ZNF718: variants seen among roughly 807,000 people sequenced by gnomAD.
ZNF718 encodes the protein zinc finger protein 718.
A neutral mutation model predicts 2.6 loss-of-function variants in ZNF718; 3 were observed. That is an observed-to-expected ratio of 1.16 (90% CI 0.53 to 3.01). The LOEUF (loss-of-function observed/expected upper bound fraction) is 3.01, where lower values mean the gene tolerates loss of function less well. Ranked by LOEUF, ZNF718 falls within the 30% of genes most tolerant of loss-of-function variation. The pLI is 0.03. For synonymous variants in ZNF718, 135 were observed against 77.9 expected (o/e 1.73, Z -3.86); for missense variants, 468 against 230.0 (o/e 2.03, Z -6.69).
intron 3 of ZNF718, among the ~76,000 whole-genome samples, chr4:193,182 T>C (rs1407793663): frequency 3.3e-5 from 5 of 152,164 alleles, no homozygotes; most frequent in African/African-American, 4.8e-5. Flanking sequence ...GTATTTCTAA[T>C]GGAGGGTTCC....
intron 3 of ZNF718, among the ~76,000 whole-genome samples, chr4:142,300 A>G (rs1358270918): frequency 6.6e-6 from 1 of 152,248 alleles, no homozygotes; most frequent in Non-Finnish European, 1.5e-5. Flanking sequence ...AAAGTAGAAA[A>G]GGGATCTGTT....
intron 3 of ZNF718, among the ~76,000 whole-genome samples, chr4:181,238 T>C (rs2108813370): frequency 6.9e-6 from 1 of 143,910 alleles, no homozygotes; most frequent in Non-Finnish European, 1.5e-5. Context: ...ACTCCTGGGA[T>C]TGTGTAATTC....
chr4:157,757 G>A (rs1204088232), intron 3 of ZNF718, among the ~76,000 whole-genome samples: 1 of 152,048 alleles, frequency 6.6e-6, no homozygotes, highest in Non-Finnish European at 1.5e-5. Flanking sequence ...CCTAACCGGT[G>A]GTTTATCAAG....
chr4:150,888 T>TTGTGTGTG (rs111894956), intron 3 of ZNF718, among the ~76,000 whole-genome samples: 2,437 of 150,224 alleles, frequency 0.016, 73 homozygotes, highest in African/African-American at 0.056. Flanking sequence ...AATTTGAATT[T>TTGTGTGTG]TGTGTGTGTG....
chr4:194,531 A>T (rs554848575), intron 3 of ZNF718, among the ~76,000 whole-genome samples: 2 of 152,288 alleles, frequency 1.3e-5, no homozygotes, highest in African/African-American at 4.8e-5. Context: ...GACCTGACTG[A>T]GATATCAGAG....
chr4:201,975 A>G (rs1362020501), exon 5 of ZNF718: 1 of 171,402 alleles, frequency 5.8e-6, no homozygotes, highest in Non-Finnish European at 1.3e-5. Flanking sequence ...TTTTAAGTAT[A>G]ACTTTGTTGG....
intron 3 of ZNF718, among the ~76,000 whole-genome samples, chr4:190,994 G>A (rs570405301): frequency 2.4e-3 from 357 of 151,610 alleles, no homozygotes; most frequent in Non-Finnish European, 4.3e-3. Flanking sequence ...AGCTGAGATC[G>A]TGCCACTGCA....
chr4:133,038 A>G lies in ZNF718; in HGVS notation c.226+1533A>G, dbSNP rs1715383958. On this transcript the variant is annotated intron_variant, in intron 3 of 3. Transcript: ENST00000510175. Reference sequence around the variant, plus strand: ...CTAAAAATACAAAAATTAGCCTGGCATGGTTGTGCGCACCTGTAATCCCAG... The same window carrying G: ...CTAAAAATACAAAAATTAGCCTGGCGTGGTTGTGCGCACCTGTAATCCCAG... 2.1e-5 allele frequency among the ~76,000 whole-genome samples: 2 copies of G among 95,890 alleles called. 1 individual carries two copies. The highest frequency in any genetic ancestry group is 4.5e-5 in the Non-Finnish European group (2 of 44,096). The allele number at this position is 95,890 out of a possible 152,430, so 62.9% of individuals were successfully genotyped here. A position where few individuals can be genotyped will look rare whatever the true frequency, so the allele number is the denominator to read the frequency against.
At chr4:173,527 A>G (rs558602123) in intron 3 of ZNF718, among the ~76,000 whole-genome samples, 18 of 152,296 alleles carry the variant, frequency 1.2e-4, no homozygotes, top group Non-Finnish European at 1.9e-4. Context: ...AAAGAAACCA[A>G]TAGTTACTAT....
chr4:147,753 A>G (rs782165832), intron 3 of ZNF718, among the ~76,000 whole-genome samples: 10 of 152,138 alleles, frequency 6.6e-5, no homozygotes, highest in Non-Finnish European at 1.5e-4. Context: ...AGCCCCAGCT[A>G]CTTGGGAGGC....
intron 3 of ZNF718, among the ~76,000 whole-genome samples, chr4:145,996 C>G (rs2108791257): frequency 6.6e-6 from 1 of 151,044 alleles, no homozygotes; most frequent in African/African-American, 2.4e-5. Flanking sequence ...TATACTGAAG[C>G]TATATGTGTT....
At chr4:153,592 C>T (rs1553813054) in intron 3 of ZNF718, among the ~76,000 whole-genome samples, 1 of 151,460 alleles carries the variant, frequency 6.6e-6, no homozygotes, top group East Asian at 1.9e-4. Flanking sequence ...TTATAATTTT[C>T]AGTGTAGAGT....
intron 3 of ZNF718, among the ~76,000 whole-genome samples, chr4:184,936 A>T (rs1430075991): frequency 6.6e-6 from 1 of 151,458 alleles, no homozygotes; most frequent in Non-Finnish European, 1.5e-5. Context: ...TATTTTATTA[A>T]TTTTTTCAAA....
At chr4:169,264 C>A (rs2108809057) in intron 3 of ZNF718, among the ~76,000 whole-genome samples, 1 of 152,290 alleles carries the variant, frequency 6.6e-6, no homozygotes, top group East Asian at 1.9e-4. Flanking sequence ...GAGTGCTTTA[C>A]TTCCAACTAT....
chr4:197,211 C>G (rs1212977130), intron 3 of ZNF718, among the ~76,000 whole-genome samples: 3 of 151,938 alleles, frequency 2.0e-5, no homozygotes, highest in African/African-American at 7.2e-5. Context: ...GACCTGGGAG[C>G]CTTTCACCCA....
At position 152,795 on chromosome 4, in the gene ZNF718, G is replaced by C. The variant is rs1409484619; in HGVS notation, c.227-8117G>C. Among the ~76,000 whole-genome samples the C allele has an allele frequency of 2.6e-5, 4 of 151,840 alleles. No individual in the cohort carries two copies. In the South Asian group the frequency reaches 8.3e-4, roughly 32 times the overall value. ...TTGTGGTTTTTAAATTGTTATTTTTGTTTTAAGTTTGTTATATATTCTGTA... is the reference window on the plus strand; with the variant it reads ...TTGTGGTTTTTAAATTGTTATTTTTCTTTTAAGTTTGTTATATATTCTGTA... On this transcript the variant is annotated intron_variant, in intron 3 of 3. Transcript: ENST00000510175.
chr4:158,380 T>G (rs1716670768), intron 3 of ZNF718, among the ~76,000 whole-genome samples: 1 of 152,040 alleles, frequency 6.6e-6, no homozygotes, highest in African/African-American at 2.4e-5. Flanking sequence ...TTAAATAATT[T>G]GCTGACAGAA....
chr4:189,434 T>C (rs1232859814), intron 3 of ZNF718, among the ~76,000 whole-genome samples: 2 of 152,158 alleles, frequency 1.3e-5, no homozygotes, highest in African/African-American at 4.8e-5. Context: ...ACTTAATTTT[T>C]AGTATGTCGA....
chr4:190,114 G>A (rs1717661964), intron 3 of ZNF718, among the ~76,000 whole-genome samples: 1 of 151,954 alleles, frequency 6.6e-6, no homozygotes, highest in South Asian at 2.1e-4. Flanking sequence ...AGTACTCCTG[G>A]CTAATAGATA....
Sources: allele counts gnomAD v4.1 joint callset (sites outside exome capture counted in the v4.1 genomes callset), GRCh38; gene constraint gnomAD v4.1.1; transcripts MANE v1.5; gene names NCBI Gene and HGNC (gene_info 2026-07-23, HGNC 2026-07-21).